Variants in GBE1 observed in about 807,000 individuals in gnomAD.
The protein encoded by GBE1 is 1,4-alpha-glucan-branching enzyme.
A neutral mutation model predicts 88.8 loss-of-function variants in GBE1; 70 were observed. That is an observed-to-expected ratio of 0.79 (90% CI 0.65 to 0.96). GBE1 has a LOEUF of 0.96. Ranked by LOEUF, GBE1 falls within the 40% of genes least tolerant of loss-of-function variation. The pLI is 0.00. For missense variants in GBE1, 872 were observed against 871.0 expected (o/e 1.00, Z -0.01); for synonymous variants, 284 against 300.1 (o/e 0.95, Z 0.56).
In GBE1 at chr3:81,655,781, A is replaced by C. The variant is rs189899462; in HGVS notation, c.430-5860T>G. Among the ~76,000 whole-genome samples, 60 of 152,240 alleles carry C rather than the reference A, an allele frequency of 3.9e-4. 1 individual carries two copies. Among genetic ancestry groups the C allele is most frequent in the African/African-American group, 1.4e-3 (58 of 41,522 alleles). Reference sequence around the variant, plus strand: ...GTGATCCACATGCCTCGGTCTCCCAAAGTGCTGGGATTACAGGGCTGAGCC... The same window carrying C: ...GTGATCCACATGCCTCGGTCTCCCACAGTGCTGGGATTACAGGGCTGAGCC... On this transcript the variant is annotated intron_variant, in intron 3 of 15. Coordinates refer to ENST00000429644, the MANE Select transcript of GBE1 (RefSeq NM_000158.4).
At chr3:81,649,568 T>C (rs1704815468) in intron 4 of GBE1, among the ~76,000 whole-genome samples, 1 of 152,110 alleles carries the variant, frequency 6.6e-6, no homozygotes, top group Non-Finnish European at 1.5e-5. Context: ...GTATTCTGTT[T>C]TCTTTAACCT....
At chr3:81,648,092 G>A (rs1316568810) in intron 5 of GBE1, among the ~76,000 whole-genome samples, 2 of 151,980 alleles carry the variant, frequency 1.3e-5, no homozygotes, top group East Asian at 3.9e-4. Context: ...TACCATCACA[G>A]ATAATCCATA....
intron 7 of GBE1, among the ~76,000 whole-genome samples, chr3:81,594,832 T>C (rs1317135463): frequency 6.6e-6 from 1 of 151,996 alleles, no homozygotes; most frequent in Non-Finnish European, 1.5e-5. Flanking sequence ...GTATTTTCTT[T>C]AGTCATATAG....
intron 7 of GBE1, among the ~76,000 whole-genome samples, chr3:81,594,443 A>T (rs1703926764): frequency 6.6e-6 from 1 of 152,098 alleles, no homozygotes; most frequent in Non-Finnish European, 1.5e-5. Flanking sequence ...TATAACCATA[A>T]TTATGTGATT....
At chr3:81,504,638 A>C (rs910026594) in intron 14 of GBE1, among the ~76,000 whole-genome samples, 1 of 152,176 alleles carries the variant, frequency 6.6e-6, no homozygotes, top group African/African-American at 2.4e-5. Context: ...GAAGTAGATA[A>C]GTTTTCAGCC....
intron 1 of GBE1, among the ~76,000 whole-genome samples, chr3:81,735,066 A>T (rs1165317805): frequency 6.6e-6 from 1 of 152,140 alleles, no homozygotes; most frequent in Non-Finnish European, 1.5e-5. Flanking sequence ...AGATCAAATA[A>T]ATAGTATATG....
intron 1 of GBE1, among the ~76,000 whole-genome samples, chr3:81,747,290 T>G (rs913301447): frequency 1.4e-4 from 22 of 152,222 alleles, no homozygotes; most frequent in Admixed American, 1.0e-3. Flanking sequence ...AGACTCTGTT[T>G]AGAAGATAGA....
intron 14 of GBE1, among the ~76,000 whole-genome samples, chr3:81,528,322 A>T (rs1702973096): frequency 6.6e-6 from 1 of 152,092 alleles, no homozygotes; most frequent in East Asian, 1.9e-4. Context: ...ACATGTATAC[A>T]TATGTAACAA....
chr3:81,495,872 T>C (rs975792503), intron 15 of GBE1, among the ~76,000 whole-genome samples: 1 of 152,122 alleles, frequency 6.6e-6, no homozygotes, highest in African/African-American at 2.4e-5. Flanking sequence ...AGAATGAGAG[T>C]AAATACATCT....
At chr3:81,695,873 T>G (rs778691441) in intron 2 of GBE1, among the ~76,000 whole-genome samples, 7 of 152,176 alleles carry the variant, frequency 4.6e-5, no homozygotes, top group Non-Finnish European at 8.8e-5. Flanking sequence ...TCTGAAGCGA[T>G]TCCGCCACTG....
intron 12 of GBE1, among the ~76,000 whole-genome samples, chr3:81,554,138 C>T (rs988059500): frequency 3.3e-5 from 5 of 151,044 alleles, no homozygotes; most frequent in African/African-American, 1.2e-4. Flanking sequence ...ACAGGAGACT[C>T]AAAATACTCT....
At chr3:81,618,203 T>C (rs1419206228) in intron 7 of GBE1, among the ~76,000 whole-genome samples, 2 of 152,134 alleles carry the variant, frequency 1.3e-5, no homozygotes, top group Admixed American at 6.5e-5. Flanking sequence ...TCTGAGAATG[T>C]CTTAATTTGA....
rs146556461 is a variant in GBE1 at position 81,525,775 on chromosome 3, C to T, written c.1934+9420G>A. ...TTTAGTCTTGGGAGAGTGTATGTGT[C>T]GAGGAATTTATCCATTTCTTCTAGA... On this transcript the variant is annotated intron_variant, in intron 14 of 15. Transcript: ENST00000429644. Among the ~76,000 whole-genome samples, 10 of 152,038 alleles carry T rather than the reference C, an allele frequency of 6.6e-5. No individual in the cohort carries two copies. In the East Asian group the frequency reaches 1.2e-3, roughly 18 times the overall value.
chr3:81,651,875 C>A (rs1704855555), intron 3 of GBE1, among the ~76,000 whole-genome samples: 1 of 152,184 alleles, frequency 6.6e-6, no homozygotes, highest in South Asian at 2.1e-4. Context: ...GAATTTAACC[C>A]CCACATCCTT....
At chr3:81,545,363 C>T (rs893526943) in intron 12 of GBE1, among the ~76,000 whole-genome samples, 8 of 152,098 alleles carry the variant, frequency 5.3e-5, no homozygotes, top group Admixed American at 1.3e-4. Context: ...GAAACAGTCT[C>T]CTTAAATATT....
intron 1 of GBE1, among the ~76,000 whole-genome samples, chr3:81,758,385 C>T (rs547238826): frequency 1.3e-5 from 2 of 152,206 alleles, no homozygotes; most frequent in Non-Finnish European, 2.9e-5. Context: ...GCCAATGTAA[C>T]GTATCAGCAG....
At chr3:81,632,209 T>G (rs1249181582) in intron 7 of GBE1, among the ~76,000 whole-genome samples, 1 of 152,206 alleles carries the variant, frequency 6.6e-6, no homozygotes, top group Non-Finnish European at 1.5e-5. Flanking sequence ...CAGTCTAATA[T>G]TGATGGGCAT....
In GBE1 at chr3:81,750,622, TATATATAC is replaced by T. The variant is rs1309534588; in HGVS notation, c.143+10745_143+10752del. Among the ~76,000 whole-genome samples, 75 of 65,860 alleles carry T rather than the reference TATATATAC, an allele frequency of 1.1e-3. 9 individuals are homozygous for T. The highest frequency in any genetic ancestry group is 5.4e-3 in the African/African-American group (56 of 10,418). The allele number at this position is 65,860 out of a possible 152,430, so 43.2% of individuals were successfully genotyped here. On this transcript the variant is annotated intron_variant, in intron 1 of 15. Coordinates refer to ENST00000429644, the MANE Select transcript of GBE1 (RefSeq NM_000158.4). The stretch of plus-strand genomic sequence containing the variant: ...ATATGTGTATATATATATATGTATA[TATATATAC>T]GTATATATATATATGTATATATATA...
intron 1 of GBE1, among the ~76,000 whole-genome samples, chr3:81,759,503 A>G (rs1355902634): frequency 6.6e-6 from 1 of 152,248 alleles, no homozygotes; most frequent in African/African-American, 2.4e-5. Context: ...GTATGAAGGA[A>G]AAATGTTTTA....
Sources: allele counts gnomAD v4.1 joint callset (sites outside exome capture counted in the v4.1 genomes callset), GRCh38; gene constraint gnomAD v4.1.1; transcripts MANE v1.5; gene names NCBI Gene and HGNC (gene_info 2026-07-23, HGNC 2026-07-21).